SVIL: variants seen among roughly 807,000 people sequenced by gnomAD.
The protein encoded by SVIL is archvillin.
Under a neutral mutation model 240.4 loss-of-function variants are expected in SVIL, and 101 were observed. The observed-to-expected ratio is 0.42, with a 90% CI of 0.36 to 0.50. SVIL has a LOEUF of 0.50. SVIL is among the 20% of genes least tolerant of loss of function. The pLI, the probability that SVIL is intolerant of heterozygous loss-of-function variation, is 0.01. For missense variants in SVIL, 2,512 were observed against 2,818.7 expected (o/e 0.89, Z 2.46); for synonymous variants, 999 against 1,100.0 (o/e 0.91, Z 1.82).
intron 16 of SVIL, among the ~76,000 whole-genome samples, chr10:29,518,779 C>G (rs531167781): frequency 4.2e-4 from 64 of 152,292 alleles, no homozygotes; most frequent in African/African-American, 1.3e-3. Context: ...TCACTTGAAC[C>G]TGGGAGGCGG....
chr10:29,682,206 G>A (rs923771244), intron 2 of SVIL, among the ~76,000 whole-genome samples: 5 of 152,088 alleles, frequency 3.3e-5, no homozygotes, highest in Admixed American at 1.3e-4. Flanking sequence ...CACCAACACA[G>A]CTCCAATACC....
chr10:29,515,680 A>G (rs11007636), intron 16 of SVIL, among the ~76,000 whole-genome samples: 66,479 of 151,996 alleles, frequency 0.44, 15,208 homozygotes, highest in African/African-American at 0.55. Context: ...GATTCAAATG[A>G]TGAATTTTTA....
intron 6 of SVIL, among the ~76,000 whole-genome samples, chr10:29,542,917 C>A (rs1005981238): frequency 4.6e-5 from 7 of 152,152 alleles, no homozygotes; most frequent in African/African-American, 1.7e-4. Context: ...ATCAGCAACC[C>A]AGAAGCCAAA....
chr10:29,588,385 C>CTCTCT (rs1302219918), intron 1 of SVIL, among the ~76,000 whole-genome samples: 2 of 151,840 alleles, frequency 1.3e-5, no homozygotes, highest in South Asian at 4.1e-4. Flanking sequence ...CCAGTGCGGA[C>CTCTCT]TCTCTTCACG....
rs372092128 is a variant in SVIL, at chr10:29,465,545, G to A, written c.6133+50C>T. 21 of 1,542,092 alleles carry A rather than the reference G, an allele frequency of 1.4e-5. No individual in the cohort carries two copies. In the African/African-American group the frequency reaches 2.2e-4, roughly 16 times the overall value. ...CCAACGTAAAATCAAAAGGCTTTCT[G>A]GAAGATGTGCCTTCTACTGCTCAGC... On this transcript the variant is annotated intron_variant, in intron 34 of 37. Coordinates refer to ENST00000355867, the MANE Select transcript of SVIL (RefSeq NM_021738.3).
intron 6 of SVIL, among the ~76,000 whole-genome samples, chr10:29,544,089 T>TCC (rs1406077868): frequency 6.6e-6 from 1 of 152,168 alleles, no homozygotes; most frequent in Admixed American, 6.5e-5. Context: ...CAGCTTTAAC[T>TCC]CCCTACAACT....
chr10:29,711,709 G>A (rs1268108438), intron 1 of SVIL, among the ~76,000 whole-genome samples: 2 of 151,456 alleles, frequency 1.3e-5, no homozygotes, highest in East Asian at 3.9e-4. Context: ...GCAGTGAGCC[G>A]AGATCACGCC....
chr10:29,691,212 AT>A (rs1364591858), intron 1 of SVIL, among the ~76,000 whole-genome samples: 1,952 of 142,402 alleles, frequency 0.014, 16 homozygotes, highest in African/African-American at 0.035. Context: ...ATAATGAATA[AT>A]TTTTTTTTTT....
intron 1 of SVIL, among the ~76,000 whole-genome samples, chr10:29,578,336 C>T (rs2132754114): frequency 6.6e-6 from 1 of 152,258 alleles, no homozygotes; most frequent in South Asian, 2.1e-4. Flanking sequence ...GCAATAAGAC[C>T]TCTTAAATCC....
upstream of SVIL, among the ~76,000 whole-genome samples, chr10:29,637,644 G>A (rs540695638): frequency 6.6e-6 from 1 of 152,332 alleles, no homozygotes; most frequent in South Asian, 2.1e-4. Flanking sequence ...AGGCCCACAT[G>A]AATATGCCAA....
chr10:29,691,254 C>G (rs1961478598), intron 1 of SVIL, among the ~76,000 whole-genome samples: 1 of 151,478 alleles, frequency 6.6e-6, no homozygotes, highest in East Asian at 1.9e-4. Context: ...CTCTGTCGCC[C>G]AGGCTGGAGT....
At chr10:29,505,030 C>G (rs957241635) in intron 17 of SVIL, among the ~76,000 whole-genome samples, 1 of 151,246 alleles carries the variant, frequency 6.6e-6, no homozygotes, top group Non-Finnish European at 1.5e-5. Context: ...AAAAAGCTTT[C>G]AAGCCATAAA....
In SVIL at chr10:29,721,257, C is replaced by CAAAAA. The variant is rs77401405; in HGVS notation, c.-400+14489_-400+14493dup. Among the ~76,000 whole-genome samples, 1,088 of 150,100 alleles carry CAAAAA rather than the reference C, an allele frequency of 7.2e-3. 10 individuals carry two copies. Among genetic ancestry groups the CAAAAA allele is most frequent in the African/African-American group, 0.021 (869 of 40,966 alleles). ...TTACAAAAACAAACAAACAAACAAA[C>CAAAAA]AAAAAAACACCTCAATCCAAAAGAA... On this transcript the variant is annotated intron_variant, in intron 1 of 35. Transcript: ENST00000375400.
At chr10:29,550,177 C>T (rs1162135179) in intron 6 of SVIL, among the ~76,000 whole-genome samples, 1 of 151,798 alleles carries the variant, frequency 6.6e-6, no homozygotes, top group Non-Finnish European at 1.5e-5. Context: ...GTGGCTCATG[C>T]CTGTAATCCC....
chr10:29,708,278 AAAT>A (rs1373598880), intron 1 of SVIL, among the ~76,000 whole-genome samples: 4 of 150,316 alleles, frequency 2.7e-5, no homozygotes, highest in African/African-American at 9.8e-5. Context: ...AAAAAAAAAA[AAAT>A]GTACAAATTT....
intron 17 of SVIL, among the ~76,000 whole-genome samples, chr10:29,509,320 GGAGGGGGAGGGAGAGAGAGAGAGA>G (rs891158256): frequency 3.5e-5 from 3 of 86,928 alleles, no homozygotes; most frequent in Non-Finnish European, 7.3e-5. Flanking sequence ...AAAGGGAGAA[GGAGGGGGAGGGAGAGAGAGAGAGA>G]GAGAGAGAGA....
chr10:29,529,639 T>C (rs1365851061), intron 12 of SVIL, 66 bp downstream of exon 12: 1 of 1,502,400 alleles, frequency 6.7e-7, no homozygotes, highest in Non-Finnish European at 8.9e-7. Flanking sequence ...CATTGAACAC[T>C]CTTTAAATGT....
chr10:29,641,425 C>T (rs1386682546), intron 3 of SVIL, among the ~76,000 whole-genome samples: 8 of 151,726 alleles, frequency 5.3e-5, no homozygotes, highest in South Asian at 4.2e-4. Flanking sequence ...CAAAAATTAG[C>T]GGCATGGTGG....
At chr10:29,715,379 T>C (rs1009423580) in intron 1 of SVIL, among the ~76,000 whole-genome samples, 3 of 152,228 alleles carry the variant, frequency 2.0e-5, no homozygotes, top group African/African-American at 7.2e-5. Flanking sequence ...AAGGGACAGC[T>C]TTCCCCTAAC....
Sources: gnomAD v4.1 joint callset for allele counts (sites outside exome capture counted in the v4.1 genomes callset) on GRCh38, gnomAD v4.1.1 for gene constraint, MANE v1.5 for transcripts, NCBI Gene and HGNC (gene_info 2026-07-23, HGNC 2026-07-21) for gene names.